The following DOCK11 variants were observed in gnomAD, a reference collection of about 807,000 sequenced individuals.
The protein encoded by DOCK11 is dedicator of cytokinesis protein 11.
In DOCK11, 70 loss-of-function variants were observed where a neutral mutation model predicts 169.1. That is an observed-to-expected ratio of 0.41 (90% confidence interval 0.34 to 0.51). The LOEUF (loss-of-function observed/expected upper bound fraction) is 0.51. Ranked by LOEUF, DOCK11 falls within the 20% of genes least tolerant of loss-of-function variation. DOCK11 has a pLI of 0.10. For missense variants in DOCK11, 1,166 were observed against 1,538.8 expected, an observed-to-expected ratio of 0.76 and a Z score of 4.05; for synonymous variants, 529 against 541.3, an observed-to-expected ratio of 0.98 and a Z score of 0.32.
At chrX:118,652,118 C>A in intron 42 of DOCK11, 41 bp downstream of exon 42, 1 of 925,357 alleles carries the variant, frequency 1.1e-6, no homozygotes, top group Non-Finnish European at 1.5e-6. Flanking sequence ...ACCACCTTTG[C>A]TATCAGGGAA....
intron 12 of DOCK11, among the ~76,000 whole-genome samples, chrX:118,576,285 G>A (rs2147397177): frequency 9.0e-6 from 1 of 111,450 alleles, no homozygotes; most frequent in African/African-American, 3.3e-5. Flanking sequence ...GAGTCGCCCT[G>A]GGGTGGGGAG....
intron 7 of DOCK11, among the ~76,000 whole-genome samples, chrX:118,563,732 C>G (rs2012986756): frequency 9.8e-6 from 1 of 101,798 alleles, no homozygotes; most frequent in African/African-American, 3.6e-5. Context: ...TTTTTTGAGA[C>G]AGAGTCTCAC....
chrX:118,617,674 G>A lies in DOCK11; in HGVS notation c.3293-876G>A, dbSNP rs190319160. 3.2e-3 allele frequency among the ~76,000 whole-genome samples: 356 copies of A among 110,658 alleles called. 4 individuals are homozygous for A. Among genetic ancestry groups the A allele is most frequent in the Admixed American group, 0.021 (220 of 10,342 alleles). ...GCAGGCAGATCACCTGAGCTCGGGAGTTCGAGACCATCCTGGCCAACATGG... is the reference window on the plus strand; with the variant it reads ...GCAGGCAGATCACCTGAGCTCGGGAATTCGAGACCATCCTGGCCAACATGG... On this transcript the variant is annotated intron_variant, in intron 30 of 52. Coordinates refer to ENST00000276202, the MANE Select transcript of DOCK11 (RefSeq NM_144658.4).
intron 29 of DOCK11, among the ~76,000 whole-genome samples, chrX:118,615,202 G>GA (rs1001596032): frequency 8.9e-6 from 1 of 112,130 alleles, no homozygotes; most frequent in African/African-American, 3.2e-5. Flanking sequence ...GTTCAAGGAA[G>GA]CCTGTTTAAA....
chrX:118,580,893 T>C, intron 14 of DOCK11, among the ~76,000 whole-genome samples: 1 of 112,422 alleles, frequency 8.9e-6, no homozygotes, highest in Non-Finnish European at 1.9e-5. Flanking sequence ...GAAAACATAC[T>C]GAAAATTCAG....
chrX:118,631,806 TAGG>T (rs2015249798), intron 35 of DOCK11, among the ~76,000 whole-genome samples: 1 of 110,601 alleles, frequency 9.0e-6, no homozygotes, highest in Admixed American at 9.6e-5. Context: ...AGAGAGAAGG[TAGG>T]AGGAGGGGAA....
At chrX:118,610,474 C>T (rs2014655049) in intron 28 of DOCK11, 56 bp downstream of exon 28, 1 of 1,161,076 alleles carries the variant, frequency 8.6e-7, no homozygotes, top group Non-Finnish European at 1.2e-6. Context: ...GATAGGAAGC[C>T]CAAGAAAAAA....
intron 1 of DOCK11, among the ~76,000 whole-genome samples, chrX:118,518,955 A>T (rs1456943156): frequency 1.8e-5 from 2 of 112,082 alleles, no homozygotes; most frequent in Non-Finnish European, 1.9e-5. Flanking sequence ...TAGTTTATTT[A>T]AAAAAGTAAG....
chrX:118,545,108 C>T (rs1261458921), intron 4 of DOCK11, among the ~76,000 whole-genome samples: 3 of 110,741 alleles, frequency 2.7e-5, no homozygotes, highest in Non-Finnish European at 5.7e-5. Context: ...TGTGGAAGTC[C>T]TTACAGAAAC....
At chrX:118,603,168 G>A (rs1763658480) in intron 23 of DOCK11, among the ~76,000 whole-genome samples, 1 of 112,407 alleles carries the variant, frequency 8.9e-6, no homozygotes, top group African/African-American at 3.2e-5. Flanking sequence ...CACAGTAGGT[G>A]TAAACACCTT....
chrX:118,641,084 C>T, intron 38 of DOCK11, 106 bp from the exon 39 acceptor site: 2 of 590,725 alleles, frequency 3.4e-6, no homozygotes, highest in Non-Finnish European at 5.7e-6. Flanking sequence ...CCACCGCACC[C>T]AGCCGAGCCC....
Position 118,662,763 on chromosome X carries a change from G to T in DOCK11, c.5047G>T (p.Ala1683Ser), listed in dbSNP as rs2016248175. Reference protein sequence around the residue: ...IDEEGAMKEDAGMMDVHYSEE... With the variant: ...IDEEGAMKEDSGMMDVHYSEE... ...TGAAGAAGGAGCAATGAAAGAAGAT[G>T]CTGGGATGATGGATGTCCATTATAG... Residue 1683 changes from alanine to serine, a missense_variant, in exon 45 of 53, where the codon GCT becomes TCT. Coordinates refer to ENST00000276202, the MANE Select transcript of DOCK11 (RefSeq NM_144658.4). 8.4e-7 allele frequency: 1 copy of T among 1,193,800 alleles called. No individual in the cohort carries two copies. Among genetic ancestry groups the T allele is most frequent in the Non-Finnish European group, 1.1e-6 (1 of 879,884 alleles).
At chrX:118,555,192 C>T (rs140513529) in intron 6 of DOCK11, among the ~76,000 whole-genome samples, 114 of 111,315 alleles carry the variant, frequency 1.0e-3, no homozygotes, top group African/African-American at 3.5e-3. Flanking sequence ...TGCCCAGATA[C>T]GGTAGAATTA....
Position 118,647,690 on chromosome X carries a change from TATAATATAATATATA to T in DOCK11, c.4399-1234_4399-1220del, listed in dbSNP as rs1472550865. Among the ~76,000 whole-genome samples, 461 of 57,009 alleles carry T rather than the reference TATAATATAATATATA, an allele frequency of 8.1e-3. 8 individuals are homozygous for T. Among genetic ancestry groups the T allele is most frequent in the South Asian group, 0.013 (16 of 1,193 alleles). 49.5% of individuals were successfully genotyped at this position (57,009 alleles called of 115,157 possible). ...TAATAATTATTATATAATATTATAT[TATAATATAATATATA>T]ATAATATAATATATAATAATTAATA... On this transcript the variant is annotated intron_variant, in intron 40 of 52. Coordinates refer to ENST00000276202, the MANE Select transcript of DOCK11 (RefSeq NM_144658.4).
At position 118,599,119 on chromosome X, in the gene DOCK11, T is replaced by C; in HGVS notation, c.2473-20T>C. The stretch of plus-strand genomic sequence containing the variant: ...GATAATGAATCAAATTTCATATGGC[T>C]GTTTCCATCTGTGTTCCAGGATCTG... On this transcript the variant is annotated intron_variant, in intron 22 of 52. Coordinates refer to ENST00000276202, the MANE Select transcript of DOCK11 (RefSeq NM_144658.4). The C allele has an allele frequency of 1.7e-6, 2 of 1,169,815 alleles. No individual in the cohort carries two copies. The highest frequency in any genetic ancestry group is 1.2e-6 in the Non-Finnish European group (1 of 859,250).
chrX:118,522,758 C>A (rs1451171375), intron 1 of DOCK11, among the ~76,000 whole-genome samples: 1 of 111,591 alleles, frequency 9.0e-6, no homozygotes, highest in Non-Finnish European at 1.9e-5. Flanking sequence ...TTAGGTCGGG[C>A]CCACCTGGAA....
chrX:118,552,037 C>A (rs866313608), intron 6 of DOCK11, among the ~76,000 whole-genome samples: 950 of 74,746 alleles, frequency 0.013, no homozygotes, highest in Middle Eastern at 0.048. Flanking sequence ...CACTCTGTCT[C>A]AAAAAAAAAA....
intron 42 of DOCK11, 44 bp downstream of exon 42, chrX:118,652,121 T>A: frequency 1.1e-6 from 1 of 905,676 alleles, no homozygotes; most frequent in Non-Finnish European, 1.6e-6. Flanking sequence ...ACCTTTGCTA[T>A]CAGGGAAGTT....
At chrX:118,549,564 A>G (rs1459427589) in intron 6 of DOCK11, among the ~76,000 whole-genome samples, 1 of 111,301 alleles carries the variant, frequency 9.0e-6, no homozygotes, top group African/African-American at 3.3e-5. Context: ...TCATTTATTT[A>G]TTTGTTTTTG....
Sources: allele counts gnomAD v4.1 joint callset (sites outside exome capture counted in the v4.1 genomes callset), GRCh38; gene constraint gnomAD v4.1.1; transcripts MANE v1.5; gene names NCBI Gene and HGNC (gene_info 2026-07-23, HGNC 2026-07-21).